The following LRRTM4 variants were observed in gnomAD, a reference collection of about 807,000 sequenced individuals.
LRRTM4 encodes the protein leucine-rich repeat transmembrane neuronal protein 4.
In LRRTM4, 25 loss-of-function variants were observed where a neutral mutation model predicts 47.6. The observed-to-expected ratio is 0.53, with a 90% CI of 0.38 to 0.73. The LOEUF is 0.73. LRRTM4 is among the 30% of genes least tolerant of loss of function. The pLI is 0.00. For synonymous variants in LRRTM4, 311 were observed against 269.5 expected (o/e 1.15, Z -1.51); for missense variants, 638 against 713.4 (o/e 0.89, Z 1.20).
chr2:76,972,317 T>C (rs1430558532), intron 3 of LRRTM4, among the ~76,000 whole-genome samples: 5 of 151,974 alleles, frequency 3.3e-5, no homozygotes, highest in African/African-American at 1.2e-4. Flanking sequence ...AATCTCTTCA[T>C]ATATGCAAGC....
At chr2:77,389,382 C>A (rs2103810875) in intron 3 of LRRTM4, among the ~76,000 whole-genome samples, 1 of 152,094 alleles carries the variant, frequency 6.6e-6, no homozygotes, top group East Asian at 1.9e-4. Context: ...AGAGCCAACA[C>A]CAAAGATAAA....
intron 3 of LRRTM4, among the ~76,000 whole-genome samples, chr2:76,879,996 T>G (rs1359042449): frequency 6.6e-6 from 1 of 152,222 alleles, no homozygotes; most frequent in Non-Finnish European, 1.5e-5. Flanking sequence ...TAATAAAATT[T>G]CAGTGAATGA....
chr2:77,150,927 C>T (rs1442757019), intron 3 of LRRTM4, among the ~76,000 whole-genome samples: 1 of 152,062 alleles, frequency 6.6e-6, no homozygotes, highest in Non-Finnish European at 1.5e-5. Flanking sequence ...GTTTTCTTCT[C>T]TTCTCACCTT....
At chr2:77,229,254 C>T (rs1452198999) in intron 3 of LRRTM4, among the ~76,000 whole-genome samples, 1 of 151,956 alleles carries the variant, frequency 6.6e-6, no homozygotes, top group East Asian at 1.9e-4. Context: ...ATTCATTCCC[C>T]AGGTCCCTGT....
chr2:77,363,116 A>G (rs1672304431), intron 3 of LRRTM4, among the ~76,000 whole-genome samples: 1 of 152,216 alleles, frequency 6.6e-6, no homozygotes, highest in Non-Finnish European at 1.5e-5. Flanking sequence ...CAGGAAGTTT[A>G]CTTCGTGAAT....
chr2:76,873,498 A>ATGTGTG (rs1480579004), intron 3 of LRRTM4, among the ~76,000 whole-genome samples: 6 of 100,232 alleles, frequency 6.0e-5, no homozygotes, highest in African/African-American at 2.6e-4. Context: ...GTGTGTATAT[A>ATGTGTG]TATGTGTGTA....
At chr2:76,874,018 A>G (rs1672711289) in intron 3 of LRRTM4, among the ~76,000 whole-genome samples, 1 of 152,020 alleles carries the variant, frequency 6.6e-6, no homozygotes, top group Non-Finnish European at 1.5e-5. Context: ...AGTTCTTGAT[A>G]GCAATCAAAC....
At chr2:76,947,408 G>T (rs1056885232) in intron 3 of LRRTM4, among the ~76,000 whole-genome samples, 1 of 151,844 alleles carries the variant, frequency 6.6e-6, no homozygotes, top group East Asian at 1.9e-4. Context: ...TTGAAGCCAG[G>T]TTCTTATGAG....
At chr2:76,761,268 C>A (rs1472031695) in intron 3 of LRRTM4, among the ~76,000 whole-genome samples, 1 of 152,204 alleles carries the variant, frequency 6.6e-6, no homozygotes, top group Non-Finnish European at 1.5e-5. Context: ...TTTTTTGAGC[C>A]TCCAACTAAA....
intron 3 of LRRTM4, among the ~76,000 whole-genome samples, chr2:77,390,059 C>T (rs1673436542): frequency 6.6e-6 from 1 of 152,072 alleles, no homozygotes. Context: ...CATATGGCCA[C>T]CTTGTCACTC....
At chr2:77,297,728 A>G (rs1978918) in intron 3 of LRRTM4, among the ~76,000 whole-genome samples, 21,831 of 152,044 alleles carry the variant, frequency 0.14, 3,478 homozygotes, top group African/African-American at 0.39. Flanking sequence ...CTTCTATTAA[A>G]AGCCAAGAGA....
chr2:77,253,255 T>G (rs1008132986), intron 3 of LRRTM4, among the ~76,000 whole-genome samples: 2 of 152,174 alleles, frequency 1.3e-5, no homozygotes, highest in Non-Finnish European at 2.9e-5. Context: ...ATCCCATACT[T>G]TTATTCATAC....
At chr2:77,401,393 C>T (rs1673947249) in intron 3 of LRRTM4, among the ~76,000 whole-genome samples, 1 of 151,948 alleles carries the variant, frequency 6.6e-6, no homozygotes, top group Non-Finnish European at 1.5e-5. Flanking sequence ...TTTAAAATTG[C>T]ATCCCTGTTT....
chr2:76,912,152 C>A (rs2103783018), intron 3 of LRRTM4, among the ~76,000 whole-genome samples: 1 of 152,190 alleles, frequency 6.6e-6, no homozygotes, highest in South Asian at 2.1e-4. Context: ...ATCTCCTGAC[C>A]TTGTGATCCC....
chr2:77,144,014 G>A (rs1443822062), intron 3 of LRRTM4, among the ~76,000 whole-genome samples: 2 of 152,324 alleles, frequency 1.3e-5, no homozygotes, highest in Middle Eastern at 3.4e-3. Flanking sequence ...ATTAGGAAAT[G>A]TCTCTTGAGG....
chr2:76,967,207 A>G (rs1418510573), intron 3 of LRRTM4, among the ~76,000 whole-genome samples: 1 of 149,894 alleles, frequency 6.7e-6, no homozygotes, highest in Non-Finnish European at 1.5e-5. Context: ...TTACCTATTC[A>G]ACTAAATGAG....
At chr2:77,384,916 T>C (rs767697496) in intron 3 of LRRTM4, among the ~76,000 whole-genome samples, 9 of 152,084 alleles carry the variant, frequency 5.9e-5, no homozygotes, top group Non-Finnish European at 1.2e-4. Context: ...ACAAATATGC[T>C]ATAGCAAACC....
intron 3 of LRRTM4, among the ~76,000 whole-genome samples, chr2:77,374,194 TAA>T (rs1672749542): frequency 6.6e-6 from 1 of 151,572 alleles, no homozygotes; most frequent in Non-Finnish European, 1.5e-5. Flanking sequence ...CTGTAGAAAA[TAA>T]AAGACTGAAA....
At chr2:77,040,665 T>C (rs906134325) in intron 3 of LRRTM4, among the ~76,000 whole-genome samples, 1 of 151,340 alleles carries the variant, frequency 6.6e-6, no homozygotes, top group Non-Finnish European at 1.5e-5. Context: ...AAGTGACATA[T>C]ATATTGGGCT....
Sources: allele counts gnomAD v4.1 joint callset (sites outside exome capture counted in the v4.1 genomes callset), GRCh38; gene constraint gnomAD v4.1.1; transcripts MANE v1.5; gene names NCBI Gene and HGNC (gene_info 2026-07-23, HGNC 2026-07-21).